Variants in PCBP2 observed in about 807,000 individuals in gnomAD.
PCBP2 encodes the protein poly(rC) binding protein 2.
Under a neutral mutation model 50.1 loss-of-function variants are expected in PCBP2, and 4 were observed. The observed-to-expected ratio is 0.08, with a 90% confidence interval of 0.04 to 0.18. PCBP2 has a LOEUF of 0.18. Among genes scored for constraint, PCBP2 ranks in the 10% least tolerant of loss-of-function variants. The pLI is 1.00. For missense variants in PCBP2, 161 were observed against 474.3 expected (o/e 0.34, Z 6.14); for synonymous variants, 179 against 168.0 (o/e 1.07, Z -0.51).
At position 53,466,792 on chromosome 12, in the gene PCBP2, C is replaced by T. The variant is rs534899891; in HGVS notation, c.715-429C>T. Among the ~76,000 whole-genome samples, 32 of 151,968 alleles carry T rather than the reference C, an allele frequency of 2.1e-4. No homozygotes were observed. The South Asian group carries it at 6.7e-3, about 32-fold the overall frequency. On this transcript the variant is annotated intron_variant, in intron 10 of 14. Coordinates refer to ENST00000546463, the MANE Select transcript of PCBP2 (RefSeq NM_031989.5). Reference sequence around the variant, plus strand: ...CTCTCCTCCTTGCAGTCTCCCTGCCCCCCTCATCTCCTTCCCTCTCCCCAA... The same window carrying T: ...CTCTCCTCCTTGCAGTCTCCCTGCCTCCCTCATCTCCTTCCCTCTCCCCAA...
At chr12:53,463,026 C>G (rs1268989069) in intron 8 of PCBP2, among the ~76,000 whole-genome samples, 1 of 152,184 alleles carries the variant, frequency 6.6e-6, no homozygotes, top group African/African-American at 2.4e-5. Context: ...TACTCCTACC[C>G]CTTCACTCCC....
chr12:53,458,851 C>T (rs761767744), intron 5 of PCBP2, among the ~76,000 whole-genome samples: 26 of 152,060 alleles, frequency 1.7e-4, no homozygotes, highest in Non-Finnish European at 3.7e-4. Flanking sequence ...GTTGGCCAGG[C>T]TGGTCTTGAA....
intron 1 of PCBP2, chr12:53,454,455 AC>A (rs1231238149): frequency 4.1e-6 from 1 of 244,978 alleles, no homozygotes; most frequent in Non-Finnish European, 8.1e-6. Context: ...TTTCCTTAGA[AC>A]CATTGCCAAT....
rs992625674 is a variant in PCBP2 at position 53,477,104 on chromosome 12, T to C, written c.1053-2302T>C. ...TGACTCAGTATTTCATAGCATCCCC[T>C]TCTCCCTGCGTCACCTCCCCCACCC... On this transcript the variant is annotated intron_variant, in intron 14 of 14. Transcript: ENST00000546463. Among the ~76,000 whole-genome samples the C allele has an allele frequency of 7.9e-5, 12 of 152,248 alleles. No individual in the cohort carries two copies. The East Asian group carries it at 2.3e-3, about 29-fold the overall frequency.
chr12:53,465,179 C>G (rs1315256808), intron 9 of PCBP2: 1 of 227,698 alleles, frequency 4.4e-6, no homozygotes, highest in Non-Finnish European at 8.5e-6. Context: ...TGAGAAACTT[C>G]ACATCCTGTT....
At chr12:53,473,518 CTG>C (rs748490672) in intron 14 of PCBP2, among the ~76,000 whole-genome samples, 9 of 152,174 alleles carry the variant, frequency 5.9e-5, no homozygotes, top group Non-Finnish European at 8.8e-5. Flanking sequence ...TAAATTGTGA[CTG>C]TTTAAATGTG....
At chr12:53,468,714 G>T (rs767608732) in intron 12 of PCBP2, 63 bp from the exon 13 acceptor site, 2 of 1,194,094 alleles carry the variant, frequency 1.7e-6, no homozygotes, top group Non-Finnish European at 2.5e-6. Flanking sequence ...TTAGTTTAAT[G>T]TGCAAGTCAG....
chr12:53,464,489 A>C (rs1006315074), intron 8 of PCBP2: 42 of 398,746 alleles, frequency 1.1e-4, no homozygotes, highest in Non-Finnish European at 1.2e-4. Flanking sequence ...TAGGGGTTCA[A>C]CTTAATCCCA....
At chr12:53,452,469 G>C (rs1358716319) in intron 1 of PCBP2, 93 bp downstream of exon 1, 2 of 150,850 alleles carry the variant, frequency 1.3e-5, no homozygotes, top group Non-Finnish European at 3.0e-5. Context: ...GTCACGAGCC[G>C]CGGTCTCGCG....
intron 7 of PCBP2, among the ~76,000 whole-genome samples, chr12:53,462,073 A>T (rs1368754840): frequency 2.0e-5 from 3 of 152,182 alleles, no homozygotes. Flanking sequence ...CTATTTATAG[A>T]TAGTGTCTGT....
In PCBP2 at chr12:53,465,868, T is replaced by C. The variant is rs986645550; in HGVS notation, c.673-64T>C. 13 of 1,316,678 alleles carry C rather than the reference T, an allele frequency of 9.9e-6. No homozygotes were observed. The Admixed American group carries it at 2.2e-4, about 23-fold the overall frequency. 81.6% of individuals were successfully genotyped at this position (1,316,678 alleles called of 1,614,324 possible). On this transcript the variant is annotated intron_variant, in intron 9 of 14. Transcript: ENST00000546463. ...CTTCCTGGCTAGTTGAAATGTCTTTTTCCCCCCACTGGGTGGCTGTCCGTG... is the reference window on the plus strand; with the variant it reads ...CTTCCTGGCTAGTTGAAATGTCTTTCTCCCCCCACTGGGTGGCTGTCCGTG...
At chr12:53,460,409 G>T in intron 6 of PCBP2, 1 of 380,638 alleles carries the variant, frequency 2.6e-6, no homozygotes, top group Non-Finnish European at 5.3e-6. Context: ...GTCTCCCAAA[G>T]TGCTCGGATT....
intron 12 of PCBP2, chr12:53,468,530 A>G (rs1403782807): frequency 3.8e-6 from 2 of 524,040 alleles, no homozygotes; most frequent in African/African-American, 3.9e-5. Context: ...CCCATCCCTA[A>G]TAGGCTGGGC....
In PCBP2 at chr12:53,459,307, C is replaced by A; in HGVS notation, c.279C>A (p.Ala93=). ...ISSSMTNSTA[A]SRPPVTLRLV... ...GCTCTATGACCAATAGCACAGCTGC[C>A]AGTAGACCCCCGGTCACCCTGAGGC... Residue 93 remains alanine (A), a synonymous_variant, in exon 6 of 15, where the codon GCC becomes GCA. Coordinates refer to ENST00000546463, the MANE Select transcript of PCBP2 (RefSeq NM_031989.5). 6.2e-7 allele frequency: 1 copy of A among 1,612,924 alleles called. No homozygotes were observed. Among genetic ancestry groups the A allele is most frequent in the Non-Finnish European group, 8.5e-7 (1 of 1,179,298 alleles).
intron 13 of PCBP2, among the ~76,000 whole-genome samples, chr12:53,470,401 AAG>A (rs1681778577): frequency 1.9e-5 from 2 of 104,854 alleles, no homozygotes; most frequent in Non-Finnish European, 4.1e-5. Context: ...AAAAAAAAAA[AAG>A]TGTAGTGGCT....
intron 14 of PCBP2, among the ~76,000 whole-genome samples, chr12:53,473,856 G>A (rs1001540535): frequency 2.0e-5 from 3 of 151,738 alleles, no homozygotes; most frequent in African/African-American, 7.3e-5. Context: ...TTTCATGGTG[G>A]CAGTCTGTCC....
Position 53,471,799 on chromosome 12 carries a change from C to T in PCBP2, c.1044C>T (p.Ile348=), listed in dbSNP as rs748883921. The change falls in exon 14 of 15, where the codon ATC becomes ATT. Residue 348 remains isoleucine (I), a synonymous_variant. Transcript: ENST00000546463. ...AASISLAQYL[I]NVRLSSETGG... ...GCATTAGCCTGGCTCAATATCTAAT[C>T]AATGTCAGGTAAGATTGCTCTACCT... The T allele has an allele frequency of 6.2e-6, 10 of 1,611,692 alleles. No homozygotes were observed. The Admixed American group carries it at 6.7e-5, about 11-fold the overall frequency.
At chr12:53,475,232 G>A in intron 14 of PCBP2, 1 of 450,532 alleles carries the variant, frequency 2.2e-6, no homozygotes, top group Non-Finnish European at 4.5e-6. Flanking sequence ...ATACCTTGAG[G>A]CACCTCCTCC....
intron 13 of PCBP2, 86 bp downstream of exon 13, chr12:53,468,918 T>G (rs1381330000): frequency 5.5e-6 from 1 of 182,454 alleles, no homozygotes; most frequent in African/African-American, 1.6e-4. Flanking sequence ...CCTGCTACCC[T>G]TTTTTTTTTT....
Sources: gnomAD v4.1 joint callset for allele counts (sites outside exome capture counted in the v4.1 genomes callset) on GRCh38, gnomAD v4.1.1 for gene constraint, MANE v1.5 for transcripts, NCBI Gene and HGNC (gene_info 2026-07-23, HGNC 2026-07-21) for gene names.